The following BOD1L1 variants were observed in gnomAD, a reference collection of about 807,000 sequenced individuals.
BOD1L1 encodes biorientation of chromosomes in cell division protein 1-like 1.
A neutral mutation model predicts 240.7 loss-of-function variants in BOD1L1; 86 were observed. The ratio of observed to expected loss-of-function variants is 0.36; its 90% CI spans 0.30 to 0.43. BOD1L1 has a LOEUF of 0.43. BOD1L1 is among the 20% of genes least tolerant of loss of function. BOD1L1 has a pLI of 1.00. For missense variants in BOD1L1, 3,554 were observed against 3,643.5 expected (o/e 0.98, Z 0.63); for synonymous variants, 1,268 against 1,272.3 (o/e 1.00, Z 0.07).
rs1195487069 is a variant in BOD1L1, at chr4:13,599,579, T to C, written c.7321A>G (p.Ile2441Val). 2 of 1,614,042 alleles carry C rather than the reference T, an allele frequency of 1.2e-6. No homozygotes were observed. Among genetic ancestry groups the C allele is most frequent in the Non-Finnish European group, 8.5e-7 (1 of 1,179,908 alleles). ...EEKHGKECPE[I>V]GPFAGRGQKE... ...TGTCCTCTTCCTGCAAATGGTCCTA[T>C]TTCGGGGCACTCCTTGCCATGCTTC... The change falls in exon 10 of 26, where the codon ATA becomes GTA. Residue 2441 changes from isoleucine to valine, a missense_variant. Physicochemically the swap from Ile to Val is conservative, Grantham distance 29. Transcript: ENST00000040738.
At chr4:13,572,960 G>A in intron 25 of BOD1L1, 1 of 897,932 alleles carries the variant, frequency 1.1e-6, no homozygotes, top group Admixed American at 3.8e-5. Context: ...ACTAAAATCA[G>A]AAAAATGGTT....
In BOD1L1 at chr4:13,613,775, A is replaced by G; in HGVS notation, c.1175-114T>C. On this transcript the variant is annotated intron_variant, in intron 4 of 25. Coordinates refer to ENST00000040738, the MANE Select transcript of BOD1L1 (RefSeq NM_148894.3). The surrounding 1 kb of genome is among the most constrained non-coding windows in gnomAD (Gnocchi z 4.0). The stretch of plus-strand genomic sequence containing the variant: ...TTCTGCTTTAAATACGTGTCAAACT[A>G]TCAAACAAGGCAGAGTGGTTTCCAG... 3.8e-6 allele frequency: 3 copies of G among 784,156 alleles called. No individual in the cohort carries two copies. Among genetic ancestry groups the G allele is most frequent in the Non-Finnish European group, 5.5e-6 (3 of 548,806 alleles). The allele number at this position is 784,156 out of a possible 1,614,324, so 48.6% of individuals were successfully genotyped here.
At chr4:13,623,638 A>G (rs1434736854) in intron 1 of BOD1L1, 4 of 152,222 alleles carry the variant, frequency 2.6e-5, no homozygotes, top group African/African-American at 9.7e-5. Flanking sequence ...GTTAAGGACT[A>G]TCAATGACCC....
rs555188941 is a variant in BOD1L1, at chr4:13,587,835, G to A, written c.8281-64C>T. 1.7e-5 allele frequency: 19 copies of A among 1,099,152 alleles called. No individual in the cohort carries two copies. The East Asian group carries it at 2.3e-4, about 13-fold the overall frequency. The allele number at this position is 1,099,152 out of a possible 1,614,324, so 68.1% of individuals were successfully genotyped here. A position where few individuals can be genotyped will look rare whatever the true frequency, so the allele number is the denominator to read the frequency against. The stretch of plus-strand genomic sequence containing the variant: ...TTGATTCAAATAAACTGAAAGAGGA[G>A]CACACTGTACTAGATTCTAACCTTT... On this transcript the variant is annotated intron_variant, in intron 15 of 25. Transcript: ENST00000040738.
At position 13,582,233 on chromosome 4, in the gene BOD1L1, T is replaced by TC. The variant is rs1713287294; in HGVS notation, c.8592+3dup. 1.9e-6 allele frequency: 3 copies of TC among 1,609,872 alleles called. No homozygotes were observed. The South Asian group carries it at 3.3e-5, about 18-fold the overall frequency. On this transcript the variant is annotated splice_donor_region_variant and intron_variant, in intron 19 of 25. Transcript: ENST00000040738. ...AACAAACAAATACGAAAAGCACATCTCACCTCCTGAGATTTTATGGTGTCA... is the reference window on the plus strand; with the variant it reads ...AACAAACAAATACGAAAAGCACATCTCCACCTCCTGAGATTTTATGGTGTCA...
intron 25 of BOD1L1, among the ~76,000 whole-genome samples, chr4:13,570,806 A>C (rs1384447807): frequency 6.6e-6 from 1 of 152,104 alleles, no homozygotes; most frequent in Admixed American, 6.6e-5. Context: ...CTTGTGCACC[A>C]TCTGGGCCTG....
intron 1 of BOD1L1, chr4:13,624,547 T>C (rs1233941726): frequency 6.6e-6 from 1 of 152,128 alleles, no homozygotes; most frequent in African/African-American, 2.4e-5. Context: ...GCCTCCCGAG[T>C]AGCTGGGACT....
At chr4:13,581,469 T>C (rs1233664274) in intron 19 of BOD1L1, among the ~76,000 whole-genome samples, 1 of 152,236 alleles carries the variant, frequency 6.6e-6, no homozygotes, top group Non-Finnish European at 1.5e-5. Context: ...AATCAAAGTG[T>C]AACCTTTTAC....
intron 12 of BOD1L1, chr4:13,593,233 T>A (rs1044671415): frequency 1.3e-5 from 2 of 152,028 alleles, no homozygotes; most frequent in Non-Finnish European, 2.9e-5. Flanking sequence ...TGACCCTCCC[T>A]CCCCCAATCC....
chr4:13,599,320 G>A lies in BOD1L1; in HGVS notation c.7580C>T (p.Ala2527Val). ...TTTTATAGCACCGGTGTTTACTGCT[G>A]CCAAATAGCGAATGCTGACAGAGGG... Reference protein sequence around the residue: ...KDPSVSIRYLAAVNTGAIKAD... With the variant: ...KDPSVSIRYLVAVNTGAIKAD... Residue 2527 changes from alanine (A) to valine (V), a missense_variant, in exon 10 of 26, where the codon GCA becomes GTA. By Grantham distance (64) the Ala-to-Val change is moderately conservative. Coordinates refer to ENST00000040738, the MANE Select transcript of BOD1L1 (RefSeq NM_148894.3). The A allele has an allele frequency of 6.2e-7, 1 of 1,613,762 alleles. No homozygotes were observed. Among genetic ancestry groups the A allele is most frequent in the Non-Finnish European group, 8.5e-7 (1 of 1,179,840 alleles).
chr4:13,585,701 C>T (rs1251436229), intron 17 of BOD1L1, among the ~76,000 whole-genome samples: 1 of 152,126 alleles, frequency 6.6e-6, no homozygotes, highest in Non-Finnish European at 1.5e-5. Context: ...GTCCCATAAT[C>T]CCCACTTGTA....
In BOD1L1 at chr4:13,576,885, C is replaced by T. The variant is rs1184255738; in HGVS notation, c.8991G>A (p.Glu2997=). ...DEEEEEEEED[E]PSGATTRSTT... ...TGGATCTTGTGGTGGCTCCTGAAGG[C>T]TCGTCCTCTTCCTCTTCTTCCTCTT... Residue 2997 remains glutamate (E), a synonymous_variant, in exon 25 of 26, where the codon GAG becomes GAA. Transcript: ENST00000040738. 1 of 1,614,000 alleles carries T rather than the reference C, an allele frequency of 6.2e-7. No individual in the cohort carries two copies. The highest frequency in any genetic ancestry group is 2.2e-5 in the East Asian group (1 of 44,880).
In BOD1L1 at chr4:13,575,895, C is replaced by CTT. The variant is rs35101769; in HGVS notation, c.9038+941_9038+942dup. 2.3e-3 allele frequency among the ~76,000 whole-genome samples: 279 copies of CTT among 119,248 alleles called. 2 individuals are homozygous for CTT. Among genetic ancestry groups the CTT allele is most frequent in the Middle Eastern group, 9.0e-3 (2 of 222 alleles). 78.2% of individuals were successfully genotyped at this position (119,248 alleles called of 152,430 possible). On this transcript the variant is annotated intron_variant, in intron 25 of 25. Transcript: ENST00000040738. ...CTTTCCTTTAGGAGTTTGCCAAACC[C>CTT]TTTTTTTTTTTTTTTTTTTTTTTTT...
rs1712049806 is a variant in BOD1L1, at chr4:13,569,890, C to G, written c.*121G>C. The G allele has an allele frequency of 7.0e-6, 4 of 573,540 alleles. No homozygotes were observed. Among genetic ancestry groups the G allele is most frequent in the Non-Finnish European group, 1.1e-5 (4 of 357,338 alleles). The allele number at this position is 573,540 out of a possible 1,614,324, so 35.5% of individuals were successfully genotyped here. A position where few individuals can be genotyped will look rare whatever the true frequency, so the allele number is the denominator to read the frequency against. ...AAACATAACAAGAAAAAGCTTGCACCTAGGGACTTACAGCACATGCATATC... is the reference window on the plus strand; with the variant it reads ...AAACATAACAAGAAAAAGCTTGCACGTAGGGACTTACAGCACATGCATATC... On this transcript the variant is annotated 3_prime_UTR_variant, in exon 26 of 26. Coordinates refer to ENST00000040738, the MANE Select transcript of BOD1L1 (RefSeq NM_148894.3).
intron 14 of BOD1L1, among the ~76,000 whole-genome samples, chr4:13,589,934 T>C (rs1302083709): frequency 1.3e-5 from 2 of 152,222 alleles, no homozygotes; most frequent in Non-Finnish European, 2.9e-5. Flanking sequence ...AATTTTCTGT[T>C]CAGAGTTGGC....
intron 10 of BOD1L1, among the ~76,000 whole-genome samples, chr4:13,597,561 T>TA (rs1360644274): frequency 2.0e-5 from 3 of 152,358 alleles, no homozygotes. Context: ...TTCACTTTAC[T>TA]TGCTTCACAC....
intron 21 of BOD1L1, among the ~76,000 whole-genome samples, 181 bp downstream of exon 21, chr4:13,580,839 G>C (rs1189636279): frequency 6.6e-6 from 1 of 152,060 alleles, no homozygotes; most frequent in African/African-American, 2.4e-5. Context: ...TCAGAATGAA[G>C]AACAACTAAT....
intron 25 of BOD1L1, among the ~76,000 whole-genome samples, chr4:13,573,420 CT>C (rs1712378390): frequency 2.0e-5 from 2 of 100,230 alleles, no homozygotes; most frequent in South Asian, 9.2e-4. Flanking sequence ...TTCTATCTAT[CT>C]GTCTGTCTGT....
At position 13,591,975 on chromosome 4, in the gene BOD1L1, A is replaced by C; in HGVS notation, c.8105-9T>G. On this transcript the variant is annotated splice_polypyrimidine_tract_variant and intron_variant, in intron 12 of 25. Coordinates refer to ENST00000040738, the MANE Select transcript of BOD1L1 (RefSeq NM_148894.3). ...CTCCCTCTGGAGTTCAGCTGTTCAA[A>C]AATAAAAATGAGATGTAAAGAAACT... The C allele has an allele frequency of 6.5e-7, 1 of 1,539,986 alleles. No homozygotes were observed. Among genetic ancestry groups the C allele is most frequent in the South Asian group, 1.2e-5 (1 of 81,342 alleles).
Sources: allele counts gnomAD v4.1 joint callset (sites outside exome capture counted in the v4.1 genomes callset), GRCh38; gene constraint gnomAD v4.1.1; non-coding constraint Gnocchi (gnomAD v3.1); transcripts MANE v1.5; gene names NCBI Gene and HGNC (gene_info 2026-07-23, HGNC 2026-07-21).